NFATC3: variants seen among roughly 807,000 people sequenced by gnomAD.
The protein encoded by NFATC3 is nuclear factor of activated T-cells, cytoplasmic 3.
Under a neutral mutation model 98.6 loss-of-function variants are expected in NFATC3, and 46 were observed. The ratio of observed to expected loss-of-function variants is 0.47; its 90% CI spans 0.37 to 0.60. NFATC3 has a LOEUF of 0.60. Ranked by LOEUF, NFATC3 falls within the 20% of genes least tolerant of loss-of-function variation. NFATC3 has a pLI of 0.00. For synonymous variants in NFATC3, 512 were observed against 472.2 expected, an observed-to-expected ratio of 1.08 and a Z score of -1.09; for missense variants, 1,256 against 1,295.5, an observed-to-expected ratio of 0.97 and a Z score of 0.47.
chr16:68,108,705 A>G (rs953164891), intron 1 of NFATC3, among the ~76,000 whole-genome samples: 5 of 152,184 alleles, frequency 3.3e-5, no homozygotes, highest in African/African-American at 1.2e-4. Context: ...CTTCCTATCC[A>G]TGAGCATGGA....
chr16:68,201,273 C>T (rs1180790303), intron 9 of NFATC3, among the ~76,000 whole-genome samples: 1 of 151,912 alleles, frequency 6.6e-6, no homozygotes, highest in Non-Finnish European at 1.5e-5. Flanking sequence ...CTCTGTTGCA[C>T]AGGCTGGAGT....
At chr16:68,103,646 A>G (rs1211678591) in intron 1 of NFATC3, among the ~76,000 whole-genome samples, 1 of 151,992 alleles carries the variant, frequency 6.6e-6, no homozygotes, top group Admixed American at 6.6e-5. Context: ...GTGTACTCCT[A>G]TTTTTGCTTC....
chr16:68,198,379 A>G (rs1221497763), intron 9 of NFATC3, among the ~76,000 whole-genome samples: 4 of 152,178 alleles, frequency 2.6e-5, no homozygotes, highest in African/African-American at 9.7e-5. Flanking sequence ...TTATGGATAA[A>G]ACATCTGAAT....
chr16:68,175,568 T>G (rs539791032), intron 6 of NFATC3, among the ~76,000 whole-genome samples: 1 of 150,322 alleles, frequency 6.7e-6, no homozygotes, highest in South Asian at 2.1e-4. Flanking sequence ...ATGAAAGACT[T>G]TTTTTTTTTG....
intron 1 of NFATC3, among the ~76,000 whole-genome samples, chr16:68,101,334 T>C (rs908110913): frequency 2.0e-5 from 3 of 152,044 alleles, no homozygotes; most frequent in African/African-American, 7.2e-5. Context: ...CGTAGAGATA[T>C]GGTTTCACTG....
chr16:68,140,312 G>T (rs1309348112), intron 3 of NFATC3, among the ~76,000 whole-genome samples: 3 of 152,148 alleles, frequency 2.0e-5, no homozygotes. Flanking sequence ...TTTGAAGATA[G>T]TGTCTAGCTA....
chr16:68,191,340 C>T lies in NFATC3; in HGVS notation c.2671C>T (p.Gln891Ter). 6.2e-7 allele frequency: 1 copy of T among 1,614,184 alleles called. No homozygotes were observed. Reference sequence around the variant, plus strand: ...GGGATATCATTGTTCAAATACAGGACAAAGATCTCTTTCTTCTCCAGTGGC... The same window carrying T: ...GGGATATCATTGTTCAAATACAGGATAAAGATCTCTTTCTTCTCCAGTGGC... ...SMGYHCSNTG[Q>*]RSLSSPVADQ... Residue 891 changes from glutamine (Q) to a stop codon, truncating the protein, a stop_gained, in exon 9 of 10, where the codon CAA becomes TAA. Transcript: ENST00000346183. LOFTEE classifies it high-confidence loss of function.
intron 4 of NFATC3, among the ~76,000 whole-genome samples, chr16:68,165,237 C>G (rs1192745668): frequency 6.6e-6 from 1 of 152,028 alleles, no homozygotes; most frequent in Non-Finnish European, 1.5e-5. Context: ...AATTTGTTAT[C>G]TATAAATGGC....
chr16:68,147,694 CT>C (rs2038103904), intron 3 of NFATC3, among the ~76,000 whole-genome samples: 1 of 148,136 alleles, frequency 6.8e-6, no homozygotes, highest in Non-Finnish European at 1.5e-5. Context: ...TGACTAATCA[CT>C]GAATAGATGA....
intron 9 of NFATC3, chr16:68,221,405 T>G: frequency 6.8e-7 from 1 of 1,475,172 alleles, no homozygotes; most frequent in Non-Finnish European, 9.0e-7. Context: ...AGCACTTTGT[T>G]GCAGTTCTGA....
chr16:68,085,633 T>TGCCGCCGCC lies in NFATC3; in HGVS notation c.-42_-34dup, dbSNP rs755187553. 1.6e-3 allele frequency: 2,324 copies of TGCCGCCGCC among 1,449,268 alleles called. 7 individuals are homozygous for TGCCGCCGCC. Among genetic ancestry groups the TGCCGCCGCC allele is most frequent in the Non-Finnish European group, 9.3e-4 (1,016 of 1,094,772 alleles). The allele number at this position is 1,449,268 out of a possible 1,614,324, so 89.8% of individuals were successfully genotyped here. On this transcript the variant is annotated 5_prime_UTR_variant, in exon 1 of 10. Coordinates refer to ENST00000346183, the MANE Select transcript of NFATC3 (RefSeq NM_173165.3). ...AGGAGCTGCTGCCGCCGCTTGCCGCTGCCGCCGCCGCCGCCTGAGGAGGAG... is the reference window on the plus strand; with the variant it reads ...AGGAGCTGCTGCCGCCGCTTGCCGCTGCCGCCGCCGCCGCCGCCGCCGCCTGAGGAGGAG...
chr16:68,141,356 A>T (rs1295209534), intron 3 of NFATC3, among the ~76,000 whole-genome samples: 1 of 152,136 alleles, frequency 6.6e-6, no homozygotes, highest in East Asian at 1.9e-4. Context: ...TGGTAGATCT[A>T]CTTTTAGTTT....
chr16:68,111,940 T>C (rs1381060257), intron 1 of NFATC3, among the ~76,000 whole-genome samples: 1 of 152,210 alleles, frequency 6.6e-6, no homozygotes, highest in Non-Finnish European at 1.5e-5. Flanking sequence ...GAATGTTGAA[T>C]ATTGGCATCC....
At chr16:68,165,695 C>T (rs1015845207) in intron 4 of NFATC3, among the ~76,000 whole-genome samples, 3 of 152,076 alleles carry the variant, frequency 2.0e-5, no homozygotes, top group Non-Finnish European at 2.9e-5. Flanking sequence ...TGCACCCGGC[C>T]GGTTCTTGTC....
chr16:68,159,419 T>A (rs1366334339), intron 4 of NFATC3, among the ~76,000 whole-genome samples: 86 of 151,096 alleles, frequency 5.7e-4, no homozygotes, highest in Admixed American at 1.8e-3. Context: ...TTTTTTTTTT[T>A]TATATTTTTA....
chr16:68,195,692 C>T (rs2040637658), intron 9 of NFATC3, among the ~76,000 whole-genome samples: 1 of 151,002 alleles, frequency 6.6e-6, no homozygotes. Flanking sequence ...CCTGTAGTCC[C>T]AGCTACTTGG....
intron 8 of NFATC3, chr16:68,189,421 G>C (rs1358720566): frequency 4.7e-6 from 1 of 213,862 alleles, no homozygotes; most frequent in Non-Finnish European, 9.9e-6. Flanking sequence ...TGGACACATG[G>C]GAAAAAAGAT....
chr16:68,162,605 T>A (rs1345322388), intron 4 of NFATC3, among the ~76,000 whole-genome samples: 2 of 151,398 alleles, frequency 1.3e-5, no homozygotes, highest in Admixed American at 6.6e-5. Context: ...TTTTTTTTTT[T>A]AAACATCTCA....
chr16:68,143,227 AAAAGG>A (rs1270785601), intron 3 of NFATC3, among the ~76,000 whole-genome samples: 3 of 151,652 alleles, frequency 2.0e-5, no homozygotes, highest in Non-Finnish European at 4.4e-5. Context: ...AAAAAAAAAA[AAAAGG>A]AAAGAAAGAA....
Sources: allele counts gnomAD v4.1 joint callset (sites outside exome capture counted in the v4.1 genomes callset), GRCh38; gene constraint gnomAD v4.1.1; transcripts MANE v1.5; gene names NCBI Gene and HGNC (gene_info 2026-07-23, HGNC 2026-07-21).